Variants in DDX10 observed in about 807,000 individuals in gnomAD.
DDX10 encodes DEAD-box helicase 10.
In DDX10, 74 loss-of-function variants were observed where a neutral mutation model predicts 104.3. The observed-to-expected ratio is 0.71, with a 90% CI of 0.59 to 0.86. The LOEUF is 0.86. Ranked by LOEUF, DDX10 falls within the 40% of genes least tolerant of loss-of-function variation. The pLI is 0.00. For synonymous variants in DDX10, 351 were observed against 353.4 expected (o/e 0.99, Z 0.08); for missense variants, 952 against 1,040.0 (o/e 0.92, Z 1.16).
At chr11:108,899,561 A>T (rs775485737) in intron 16 of DDX10, among the ~76,000 whole-genome samples, 5 of 152,064 alleles carry the variant, frequency 3.3e-5, no homozygotes, top group East Asian at 1.9e-4. Context: ...AAGTGCTTTC[A>T]TATGATAGTT....
chr11:108,768,217 G>C (rs2094358540), intron 13 of DDX10, among the ~76,000 whole-genome samples: 1 of 152,154 alleles, frequency 6.6e-6, no homozygotes. Context: ...GCCTGCCTGG[G>C]GTGGTGGGAA....
rs554357115 is a variant in DDX10 at position 108,734,720 on chromosome 11, G to T, written c.1965+11258G>T. On this transcript the variant is annotated intron_variant, in intron 13 of 17. Coordinates refer to ENST00000322536, the MANE Select transcript of DDX10 (RefSeq NM_004398.4). Reference sequence around the variant, plus strand: ...GTTTAAACAGCTACTTTTACAGGCCGTATTTATCTTTATTTTAAGGTAGTT... The same window carrying T: ...GTTTAAACAGCTACTTTTACAGGCCTTATTTATCTTTATTTTAAGGTAGTT... Among the ~76,000 whole-genome samples, 3 of 152,024 alleles carry T rather than the reference G, an allele frequency of 2.0e-5. No individual in the cohort carries two copies. In the South Asian group the frequency reaches 6.2e-4, roughly 32 times the overall value.
intron 6 of DDX10, among the ~76,000 whole-genome samples, chr11:108,684,579 T>G (rs1215713369): frequency 6.9e-6 from 1 of 144,934 alleles, no homozygotes; most frequent in Non-Finnish European, 1.5e-5. Context: ...ATGTGCCACA[T>G]TTTCTTAATC....
chr11:108,719,109 T>G (rs1187565158), intron 11 of DDX10, among the ~76,000 whole-genome samples: 1 of 151,026 alleles, frequency 6.6e-6, no homozygotes, highest in East Asian at 1.9e-4. Context: ...AGATAGTTTT[T>G]TTTTTTTTTT....
intron 13 of DDX10, among the ~76,000 whole-genome samples, 181 bp downstream of exon 13, chr11:108,723,643 T>G (rs2094301649): frequency 6.6e-6 from 1 of 152,196 alleles, no homozygotes; most frequent in East Asian, 1.9e-4. Context: ...TTTTCATATT[T>G]TTCATAACTT....
At chr11:108,757,725 T>G (rs1452167728) in intron 13 of DDX10, among the ~76,000 whole-genome samples, 2 of 152,066 alleles carry the variant, frequency 1.3e-5, no homozygotes, top group African/African-American at 4.8e-5. Context: ...TTCTTAACCT[T>G]CTGACCCTTA....
rs567183266 is a variant in DDX10 at position 108,686,572 on chromosome 11, G to A, written c.849-2364G>A. ...TGTCTTTTCATGGAGTGATATGATAGCTCATTTCATTTTAGCACTGAATAA... is the reference window on the plus strand; with the variant it reads ...TGTCTTTTCATGGAGTGATATGATAACTCATTTCATTTTAGCACTGAATAA... On this transcript the variant is annotated intron_variant, in intron 6 of 17. Coordinates refer to ENST00000322536, the MANE Select transcript of DDX10 (RefSeq NM_004398.4). Among the ~76,000 whole-genome samples, 7 of 152,200 alleles carry A rather than the reference G, an allele frequency of 4.6e-5. No individual in the cohort carries two copies. The Middle Eastern group carries it at 0.01, about 222-fold the overall frequency.
intron 6 of DDX10, among the ~76,000 whole-genome samples, chr11:108,686,450 C>T (rs967993307): frequency 6.6e-6 from 1 of 152,216 alleles, no homozygotes; most frequent in African/African-American, 2.4e-5. Context: ...TCCATAGTGT[C>T]ATCTTTTCAG....
chr11:108,914,999 TGAA>T (rs1863728167), intron 16 of DDX10, among the ~76,000 whole-genome samples: 2 of 147,590 alleles, frequency 1.4e-5, no homozygotes, highest in South Asian at 2.2e-4. Context: ...AAAAAAAAAA[TGAA>T]GAAAAAGGAA....
At chr11:108,719,018 A>T (rs1362150611) in intron 11 of DDX10, among the ~76,000 whole-genome samples, 1 of 151,354 alleles carries the variant, frequency 6.6e-6, no homozygotes, top group Non-Finnish European at 1.5e-5. Flanking sequence ...TACCTAGATG[A>T]GTTTTGTTAT....
intron 13 of DDX10, among the ~76,000 whole-genome samples, chr11:108,728,859 A>G (rs887103195): frequency 6.6e-6 from 1 of 152,116 alleles, no homozygotes; most frequent in African/African-American, 2.4e-5. Flanking sequence ...TCCTAGGTAT[A>G]TATATTTCCC....
intron 15 of DDX10, 101 bp downstream of exon 15, chr11:108,841,577 A>T: frequency 9.0e-7 from 1 of 1,107,830 alleles, no homozygotes; most frequent in Non-Finnish European, 1.3e-6. Flanking sequence ...TATTTTCTTC[A>T]TTGTTTTCTC....
intron 13 of DDX10, among the ~76,000 whole-genome samples, chr11:108,728,731 T>C (rs1339908073): frequency 6.6e-6 from 1 of 152,044 alleles, no homozygotes; most frequent in Non-Finnish European, 1.5e-5. Flanking sequence ...TTCCCCAGGA[T>C]GGTCTCAAAC....
intron 13 of DDX10, among the ~76,000 whole-genome samples, chr11:108,832,805 A>T (rs1264657361): frequency 6.6e-6 from 1 of 152,220 alleles, no homozygotes; most frequent in African/African-American, 2.4e-5. Context: ...CTTAACCTGG[A>T]TATATAAAAG....
chr11:108,905,312 A>G (rs11212808), intron 16 of DDX10, among the ~76,000 whole-genome samples: 60,224 of 106,226 alleles, frequency 0.57, 17,384 homozygotes, highest in Middle Eastern at 0.65. Context: ...AGATTGTTTA[A>G]GGGGGGGGGG....
At chr11:108,866,052 G>C (rs1322127512) in intron 16 of DDX10, among the ~76,000 whole-genome samples, 1 of 152,152 alleles carries the variant, frequency 6.6e-6, no homozygotes, top group Non-Finnish European at 1.5e-5. Context: ...GAAGTTGTAG[G>C]TAATAATGTT....
At chr11:108,793,500 C>T (rs1355722896) in intron 13 of DDX10, among the ~76,000 whole-genome samples, 1 of 152,042 alleles carries the variant, frequency 6.6e-6, no homozygotes, top group South Asian at 2.1e-4. Context: ...ACCTTTACCT[C>T]AACAAAAACA....
chr11:108,699,797 A>G (rs1373305058), intron 9 of DDX10, among the ~76,000 whole-genome samples: 2 of 152,204 alleles, frequency 1.3e-5, no homozygotes, highest in Non-Finnish European at 2.9e-5. Flanking sequence ...TCAAGGATAA[A>G]AACAATCCTG....
chr11:108,735,362 A>T (rs185542964), intron 13 of DDX10, among the ~76,000 whole-genome samples: 397 of 152,320 alleles, frequency 2.6e-3, no homozygotes, highest in African/African-American at 8.8e-3. Flanking sequence ...TTCCCTGTGC[A>T]TTAATGGGTG....
Sources: gnomAD v4.1 joint callset for allele counts (sites outside exome capture counted in the v4.1 genomes callset) on GRCh38, gnomAD v4.1.1 for gene constraint, MANE v1.5 for transcripts, NCBI Gene and HGNC (gene_info 2026-07-23, HGNC 2026-07-21) for gene names.